Variants in PCCB observed in about 807,000 individuals in gnomAD.
PCCB encodes propionyl-CoA carboxylase beta chain, mitochondrial.
Under a neutral mutation model 60.7 loss-of-function variants are expected in PCCB, and 43 were observed. The ratio of observed to expected loss-of-function variants is 0.71; its 90% CI spans 0.55 to 0.91. The LOEUF (loss-of-function observed/expected upper bound fraction) is 0.91. Among genes scored for constraint, PCCB ranks in the 40% least tolerant of loss-of-function variants. The pLI is 0.00. For synonymous variants in PCCB, 276 were observed against 255.9 expected, an observed-to-expected ratio of 1.08 and a Z score of -0.75; for missense variants, 766 against 702.8, an observed-to-expected ratio of 1.09 and a Z score of -1.02.
intron 8 of PCCB, among the ~76,000 whole-genome samples, chr3:136,298,968 C>T (rs553591880): frequency 6.6e-6 from 1 of 152,332 alleles, no homozygotes; most frequent in East Asian, 1.9e-4. Flanking sequence ...CCTCTGCCCA[C>T]TCCACAAGGG....
chr3:136,308,882 A>G lies in PCCB; in HGVS notation c.966+7771A>G, dbSNP rs182660887. Among the ~76,000 whole-genome samples the G allele has an allele frequency of 4.1e-3, 630 of 152,324 alleles. 3 individuals carry two copies. Among genetic ancestry groups the G allele is most frequent in the Non-Finnish European group, 6.6e-3 (446 of 68,008 alleles). ...ACAGAATTCTAAAAGAAAAAAAGAC[A>G]AAACACTATGTGTCAAAACCTATAG... On this transcript the variant is annotated intron_variant, in intron 9 of 14. Transcript: ENST00000251654.
intron 5 of PCCB, among the ~76,000 whole-genome samples, chr3:136,273,590 C>CTTTTTTT (rs1942257481): frequency 1.2e-4 from 8 of 65,632 alleles, no homozygotes; most frequent in Admixed American, 1.6e-4. Context: ...TTTTTTTTTT[C>CTTTTTTT]TTTTTTCTTT....
At position 136,330,161 on chromosome 3, in the gene PCCB, A is replaced by T; in HGVS notation, c.*135A>T. 6.6e-7 allele frequency: 1 copy of T among 1,524,722 alleles called. No homozygotes were observed. The highest frequency in any genetic ancestry group is 8.9e-7 in the Non-Finnish European group (1 of 1,125,158). 94.4% of individuals were successfully genotyped at this position (1,524,722 alleles called of 1,614,324 possible). A position where few individuals can be genotyped will look rare whatever the true frequency, so the allele number is the denominator to read the frequency against. The stretch of plus-strand genomic sequence containing the variant: ...AGAATAACTAAGTTTATTAAATTCT[A>T]GAAAGATCTCTTTTGTGCCTTACTG... On this transcript the variant is annotated 3_prime_UTR_variant, in exon 15 of 15. Coordinates refer to ENST00000251654, the MANE Select transcript of PCCB (RefSeq NM_000532.5).
rs1305350601 is a variant in PCCB, at chr3:136,261,952, A to G, written c.430A>G (p.Ile144Val). ...ATAAAAGATTTCTCTGCTGTCTCAGATCATGGACCAGGCCATAACGGTGGG... is the reference window on the plus strand; with the variant it reads ...ATAAAAGATTTCTCTGCTGTCTCAGGTCATGGACCAGGCCATAACGGTGGG... ...SGAHAQKICKIMDQAITVGAP... is the reference protein window; with the variant it reads ...SGAHAQKICKVMDQAITVGAP... The change falls in exon 5 of 15, where the codon ATC becomes GTC. Residue 144 changes from isoleucine to valine, a missense_variant and splice_region_variant. Physicochemically the swap from Ile to Val is conservative, Grantham distance 29. Transcript: ENST00000251654. 7 of 1,544,256 alleles carry G rather than the reference A, an allele frequency of 4.5e-6. No homozygotes were observed. In the East Asian group the frequency reaches 1.4e-4, roughly 32 times the overall value.
chr3:136,324,823 G>A (rs1310775398), intron 10 of PCCB, among the ~76,000 whole-genome samples: 1 of 152,184 alleles, frequency 6.6e-6, no homozygotes, highest in Non-Finnish European at 1.5e-5. Context: ...AATGAGGTCT[G>A]CTCTGCTTCC....
At chr3:136,281,531 T>TC (rs1389400562) in intron 5 of PCCB, among the ~76,000 whole-genome samples, 2 of 152,044 alleles carry the variant, frequency 1.3e-5, no homozygotes, top group Non-Finnish European at 2.9e-5. Context: ...TGTAGTTTTT[T>TC]CCCCCCACAG....
intron 7 of PCCB, among the ~76,000 whole-genome samples, chr3:136,294,727 A>G (rs978683645): frequency 2.6e-5 from 4 of 152,144 alleles, no homozygotes; most frequent in African/African-American, 9.7e-5. Context: ...CTTCTGCCTC[A>G]GCCTCTCTAG....
rs1463958333 is a variant in PCCB, at chr3:136,321,293, A to G, written c.1090+4229A>G. On this transcript the variant is annotated intron_variant, in intron 10 of 14. Transcript: ENST00000251654. ...TCTGCTCCCACATGCACACATGCACAGCCTCCATATGTCCAAAATCCTGCA... is the reference window on the plus strand; with the variant it reads ...TCTGCTCCCACATGCACACATGCACGGCCTCCATATGTCCAAAATCCTGCA... Among the ~76,000 whole-genome samples the G allele has an allele frequency of 1.2e-4, 18 of 152,232 alleles. 1 individual carries two copies. The highest frequency in any genetic ancestry group is 1.2e-3 in the Admixed American group (18 of 15,274).
At chr3:136,315,117 C>G (rs935969411) in intron 9 of PCCB, among the ~76,000 whole-genome samples, 2 of 152,090 alleles carry the variant, frequency 1.3e-5, no homozygotes, top group Non-Finnish European at 2.9e-5. Context: ...GTTAAAGGAG[C>G]CTAAAGAGAT....
chr3:136,318,900 C>T (rs61789606), intron 10 of PCCB, among the ~76,000 whole-genome samples: 6,727 of 152,136 alleles, frequency 0.044, 192 homozygotes, highest in Non-Finnish European at 0.066. Flanking sequence ...CTGTTTGAAC[C>T]TCAGTTTTCA....
At chr3:136,299,795 CATGTGTATGT>C (rs1269111291) in intron 8 of PCCB, among the ~76,000 whole-genome samples, 2 of 149,258 alleles carry the variant, frequency 1.3e-5, no homozygotes, top group Admixed American at 6.6e-5. Context: ...TATGTATATG[CATGTGTATGT>C]ATAGGTATGC....
chr3:136,275,982 G>A, intron 5 of PCCB, among the ~76,000 whole-genome samples: 1 of 152,114 alleles, frequency 6.6e-6, no homozygotes. Flanking sequence ...TGTTGGCCAG[G>A]CTGGTCACAA....
At chr3:136,256,818 G>C (rs1207999410) in intron 3 of PCCB, among the ~76,000 whole-genome samples, 195 bp downstream of exon 3, 10 of 152,158 alleles carry the variant, frequency 6.6e-5, no homozygotes, top group African/African-American at 2.4e-4. Context: ...GTCTGTTTTG[G>C]GGGGGATCAC....
At chr3:136,311,816 G>A (rs1160859253) in intron 9 of PCCB, among the ~76,000 whole-genome samples, 1 of 152,106 alleles carries the variant, frequency 6.6e-6, no homozygotes, top group East Asian at 1.9e-4. Context: ...CATTAAAATA[G>A]ACTTGAACAA....
At chr3:136,327,306 A>G in intron 12 of PCCB, 51 bp downstream of exon 12, 1 of 1,410,790 alleles carries the variant, frequency 7.1e-7, no homozygotes, top group Non-Finnish European at 1.0e-6. Flanking sequence ...CCTACAGCAT[A>G]GCCGTGGTGG....
chr3:136,252,199 C>T lies in PCCB; in HGVS notation c.183+1641C>T. On this transcript the variant is annotated intron_variant, in intron 1 of 14. Coordinates refer to ENST00000251654, the MANE Select transcript of PCCB (RefSeq NM_000532.5). Reference sequence around the variant, plus strand: ...ACCCGGCCCTGCACCCCTTTTAAAACAATTTTTGACCATTTCCGTAGATTT... The same window carrying T: ...ACCCGGCCCTGCACCCCTTTTAAAATAATTTTTGACCATTTCCGTAGATTT... 3 of 446,270 alleles carry T rather than the reference C, an allele frequency of 6.7e-6. No individual in the cohort carries two copies. The Admixed American group carries it at 7.2e-5, about 11-fold the overall frequency. 27.6% of individuals were successfully genotyped at this position (446,270 alleles called of 1,614,324 possible).
intron 9 of PCCB, among the ~76,000 whole-genome samples, chr3:136,316,201 C>CAG (rs1337617850): frequency 1.4e-5 from 2 of 144,356 alleles, no homozygotes; most frequent in African/African-American, 5.2e-5. Context: ...GCCTGGGTGA[C>CAG]AGAGGGAGAC....
chr3:136,301,543 C>T (rs186395314), intron 9 of PCCB, among the ~76,000 whole-genome samples: 5 of 151,906 alleles, frequency 3.3e-5, no homozygotes, highest in Admixed American at 1.3e-4. Flanking sequence ...TGTGGAGGTC[C>T]GTGGGAGACA....
At position 136,329,975 on chromosome 3, in the gene PCCB, C is replaced by A; in HGVS notation, c.1569C>A (p.Ala523=). 6.2e-7 allele frequency: 1 copy of A among 1,614,110 alleles called. No homozygotes were observed. Among genetic ancestry groups the A allele is most frequent in the Middle Eastern group, 1.7e-4 (1 of 6,060 alleles). Residue 523 remains alanine, a synonymous_variant, in exon 15 of 15, where the codon GCC becomes GCA. Coordinates refer to ENST00000251654, the MANE Select transcript of PCCB (RefSeq NM_000532.5). ...TCTGCTGTGACCTGGATGTCTTGGC[C>A]AGCAAGAAGGTACAACGTCCTTGGA... ...ARICCDLDVL[A]SKKVQRPWRK...
Sources: gnomAD v4.1 joint callset for allele counts (sites outside exome capture counted in the v4.1 genomes callset) on GRCh38, gnomAD v4.1.1 for gene constraint, MANE v1.5 for transcripts, NCBI Gene and HGNC (gene_info 2026-07-23, HGNC 2026-07-21) for gene names.